Variants in PTPRN2 observed in about 807,000 individuals in gnomAD.
PTPRN2 encodes receptor-type tyrosine-protein phosphatase N2.
A neutral mutation model predicts 118.8 loss-of-function variants in PTPRN2; 74 were observed. That is an observed-to-expected ratio of 0.62 (90% CI 0.52 to 0.76). The LOEUF is 0.76. Among genes scored for constraint, PTPRN2 ranks in the 30% least tolerant of loss-of-function variants. The pLI, the probability that PTPRN2 is intolerant of heterozygous loss-of-function variation, is 0.00. For synonymous variants in PTPRN2, 641 were observed against 608.0 expected, an observed-to-expected ratio of 1.05 and a Z score of -0.80; for missense variants, 1,481 against 1,394.4, an observed-to-expected ratio of 1.06 and a Z score of -0.99.
intron 3 of PTPRN2, among the ~76,000 whole-genome samples, chr7:158,270,936 GGACCAC>G (rs1798414203): frequency 1.9e-5 from 1 of 52,852 alleles, no homozygotes; most frequent in African/African-American, 9.3e-5. Flanking sequence ...CCCCCCACCT[GGACCAC>G]CCCCCCACCT....
intron 9 of PTPRN2, among the ~76,000 whole-genome samples, chr7:158,114,867 C>T (rs1191642728): frequency 6.6e-6 from 1 of 152,104 alleles, no homozygotes; most frequent in Non-Finnish European, 1.5e-5. Flanking sequence ...CAAGCAAATG[C>T]CCTCGGGTAG....
rs55653971 is a variant in PTPRN2 at position 158,475,216 on chromosome 7, C to T, written c.163+14519G>A. On this transcript the variant is annotated intron_variant, in intron 2 of 22. Transcript: ENST00000389418. ...GCAGCCTGTGGATGCCACCAACGAG[C>T]ACAGTTCTGGGGAGGCCCCGAAGGG... is the stretch of plus-strand genomic sequence containing the variant. Among the ~76,000 whole-genome samples, 834 of 152,250 alleles carry T rather than the reference C, an allele frequency of 5.5e-3. 9 individuals carry two copies. Among genetic ancestry groups the T allele is most frequent in the African/African-American group, 0.019 (784 of 41,534 alleles).
At chr7:157,889,073 A>G (rs940713042) in intron 12 of PTPRN2, among the ~76,000 whole-genome samples, 9 of 152,224 alleles carry the variant, frequency 5.9e-5, no homozygotes, top group African/African-American at 2.2e-4. Context: ...GAAATAATAT[A>G]AAAACTTTTG....
chr7:157,604,586 C>T (rs1470074240), intron 15 of PTPRN2, among the ~76,000 whole-genome samples: 4 of 152,156 alleles, frequency 2.6e-5, no homozygotes, highest in South Asian at 2.1e-4. Flanking sequence ...CAATCGCCCG[C>T]GTTTCAAAAT....
At chr7:158,009,251 C>CTTCCA (rs1427660701) in intron 11 of PTPRN2, among the ~76,000 whole-genome samples, 1 of 152,116 alleles carries the variant, frequency 6.6e-6, no homozygotes, top group Non-Finnish European at 1.5e-5. Flanking sequence ...ATCAAATCTG[C>CTTCCA]TTCCACCCAA....
rs57307690 is a variant in PTPRN2 at position 158,244,549 on chromosome 7, TTG to T, written c.278-39278_278-39277del. Among the ~76,000 whole-genome samples the T allele has an allele frequency of 2.9e-3, 440 of 151,644 alleles. 5 individuals are homozygous for T. Among genetic ancestry groups the T allele is most frequent in the African/African-American group, 0.01 (417 of 41,410 alleles). ...GGGTGTGTGTGAATGAGCATGTTTT[TTG>T]TGTGTGTTTTGTGTGAAAATGAGTG... is the stretch of plus-strand genomic sequence containing the variant. On this transcript the variant is annotated intron_variant, in intron 3 of 22. Transcript: ENST00000389418.
At chr7:158,364,113 T>C (rs114044009) in intron 2 of PTPRN2, among the ~76,000 whole-genome samples, 9 of 152,282 alleles carry the variant, frequency 5.9e-5, no homozygotes, top group African/African-American at 1.9e-4. Context: ...AAACCCTGCC[T>C]CTCACCATGC....
chr7:158,585,875 A>T (rs1329153025), intron 1 of PTPRN2, among the ~76,000 whole-genome samples: 1 of 152,170 alleles, frequency 6.6e-6, no homozygotes, highest in Non-Finnish European at 1.5e-5. Context: ...ACTCTCCCAT[A>T]AGGTGACTGG....
chr7:157,957,055 G>A (rs79388098), intron 11 of PTPRN2, among the ~76,000 whole-genome samples: 2,750 of 152,310 alleles, frequency 0.018, 43 homozygotes, highest in Non-Finnish European at 0.029. Context: ...ATGAGCGAAT[G>A]GCCACTTGGG....
intron 12 of PTPRN2, among the ~76,000 whole-genome samples, chr7:157,889,166 C>G (rs1796652782): frequency 6.6e-6 from 1 of 152,102 alleles, no homozygotes; most frequent in African/African-American, 2.4e-5. Context: ...TACTCTTGAC[C>G]AAGAGGACCC....
chr7:158,149,900 G>C (rs1166764939), intron 6 of PTPRN2, among the ~76,000 whole-genome samples: 6 of 151,120 alleles, frequency 4.0e-5, no homozygotes, highest in Non-Finnish European at 5.9e-5. Context: ...AACAAAAAGT[G>C]GCAAGAATAT....
chr7:158,441,646 ATGGTGG>A (rs1471710947), intron 2 of PTPRN2, among the ~76,000 whole-genome samples: 1 of 69,648 alleles, frequency 1.4e-5, no homozygotes, highest in Non-Finnish European at 2.8e-5. Context: ...GGTGATGGCA[ATGGTGG>A]TGATGGTGAT....
intron 13 of PTPRN2, among the ~76,000 whole-genome samples, chr7:157,666,494 A>G (rs965080870): frequency 7.4e-6 from 1 of 135,800 alleles, no homozygotes; most frequent in African/African-American, 2.6e-5. Context: ...CAGAGCCATT[A>G]GTGTGTTAGA....
intron 21 of PTPRN2, among the ~76,000 whole-genome samples, chr7:157,549,528 CT>C (rs1401332740): frequency 1.3e-5 from 2 of 152,110 alleles, no homozygotes; most frequent in Non-Finnish European, 2.9e-5. Flanking sequence ...CATTTTGGGA[CT>C]GGGTAAAGGT....
At chr7:157,684,689 C>T (rs1797086655) in intron 12 of PTPRN2, among the ~76,000 whole-genome samples, 1 of 151,670 alleles carries the variant, frequency 6.6e-6, no homozygotes, top group Admixed American at 6.6e-5. Flanking sequence ...CGCCGGGGTC[C>T]GCCCACCGGG....
chr7:157,760,595 A>T (rs1230275698), intron 12 of PTPRN2, among the ~76,000 whole-genome samples: 1 of 151,722 alleles, frequency 6.6e-6, no homozygotes, highest in Non-Finnish European at 1.5e-5. Flanking sequence ...AGTCTTCTCC[A>T]TGCCCCTCAG....
intron 3 of PTPRN2, among the ~76,000 whole-genome samples, chr7:158,235,308 G>A (rs1023965889): frequency 6.6e-6 from 1 of 152,130 alleles, no homozygotes; most frequent in Non-Finnish European, 1.5e-5. Context: ...GTTTATTGCA[G>A]GACTAGTCAC....
chr7:158,227,957 A>G (rs559614989), intron 3 of PTPRN2, among the ~76,000 whole-genome samples: 10 of 151,314 alleles, frequency 6.6e-5, no homozygotes, highest in African/African-American at 1.2e-4. Flanking sequence ...CATTTTCACA[A>G]TCCCTGGAAA....
Position 158,456,432 on chromosome 7 carries a change from C to T in PTPRN2, c.163+33303G>A, listed in dbSNP as rs530171920. 2.2e-3 allele frequency among the ~76,000 whole-genome samples: 327 copies of T among 150,346 alleles called. 1 individual carries two copies. The highest frequency in any genetic ancestry group is 7.2e-3 in the African/African-American group (294 of 40,708). ...GACGCCATCGGCCACGGCCCCCCAT[C>T]GCTCTGCAGAGAACATAATGGCACG... On this transcript the variant is annotated intron_variant, in intron 2 of 22. Transcript: ENST00000389418.
Sources: gnomAD v4.1 joint callset for allele counts (sites outside exome capture counted in the v4.1 genomes callset) on GRCh38, gnomAD v4.1.1 for gene constraint, MANE v1.5 for transcripts, NCBI Gene and HGNC (gene_info 2026-07-23, HGNC 2026-07-21) for gene names.